Variants in CATSPERE observed in about 807,000 individuals in gnomAD.
The protein encoded by CATSPERE is catsper channel auxiliary subunit epsilon, also known as cation channel sperm-associated auxiliary subunit epsilon.
Under a neutral mutation model 114.1 loss-of-function variants are expected in CATSPERE, and 93 were observed. The observed-to-expected ratio is 0.81, with a 90% CI of 0.69 to 0.97. CATSPERE has a LOEUF of 0.97. CATSPERE is among the 50% of genes least tolerant of loss of function. CATSPERE has a pLI of 0.00. For synonymous variants in CATSPERE, 341 were observed against 384.1 expected, an observed-to-expected ratio of 0.89 and a Z score of 1.31; for missense variants, 1,058 against 1,131.6, an observed-to-expected ratio of 0.93 and a Z score of 0.93.
chr1:244,578,823 CAT>C (rs10695652), intron 11 of CATSPERE, among the ~76,000 whole-genome samples: 11,522 of 132,924 alleles, frequency 0.087, 1,647 homozygotes, highest in African/African-American at 0.3. Flanking sequence ...GGTGCATATA[CAT>C]ATATATATAT....
In CATSPERE at chr1:244,455,400, T is replaced by C. The variant is rs146017475; in HGVS notation, n.237+787T>C. On this transcript the variant is annotated intron_variant and non_coding_transcript_variant, in intron 1 of 15. Transcript: ENST00000473875. ...ACCTGTGTGTCCATGGTTATAAACTTAGTTAAAACTTAATTTCAGGTGGGA... is the reference window on the plus strand; with the variant it reads ...ACCTGTGTGTCCATGGTTATAAACTCAGTTAAAACTTAATTTCAGGTGGGA... 7.5e-3 allele frequency among the ~76,000 whole-genome samples: 1,143 copies of C among 152,294 alleles called. 21 individuals are homozygous for C. The highest frequency in any genetic ancestry group is 0.025 in the African/African-American group (1,048 of 41,562).
chr1:244,506,393 AC>A (rs1276684160), intron 7 of CATSPERE, among the ~76,000 whole-genome samples: 1 of 152,148 alleles, frequency 6.6e-6, no homozygotes, highest in African/African-American at 2.4e-5. Context: ...TGCTTTAAAA[AC>A]TTTTGGGTAT....
At chr1:244,612,215 CGTGA>C (rs1244272366) in intron 19 of CATSPERE, among the ~76,000 whole-genome samples, 1 of 152,130 alleles carries the variant, frequency 6.6e-6, no homozygotes, top group Non-Finnish European at 1.5e-5. Flanking sequence ...GTTATGTCCT[CGTGA>C]GTAAGTCTAC....
rs893239397 is a variant in CATSPERE at position 244,464,101 on chromosome 1, A to AGGT, written c.114+146_114+148dup. 3.4e-5 allele frequency: 22 copies of AGGT among 645,852 alleles called. No homozygotes were observed. The African/African-American group carries it at 3.7e-4, about 11-fold the overall frequency. The allele number at this position is 645,852 out of a possible 1,614,324, so 40.0% of individuals were successfully genotyped here. A position where few individuals can be genotyped will look rare whatever the true frequency, so the allele number is the denominator to read the frequency against. Reference sequence around the variant, plus strand: ...TTCATCCGGTGTATTACCCTAACATAGGTCCCCTCCTTAATCCATGTCCTT... The same window carrying AGGT: ...TTCATCCGGTGTATTACCCTAACATAGGTGGTCCCCTCCTTAATCCATGTCCTT... On this transcript the variant is annotated intron_variant, in intron 2 of 21. Transcript: ENST00000366534.
intron 5 of CATSPERE, 39 bp from the exon 6 acceptor site, chr1:244,490,408 G>C (rs777315552): frequency 1.2e-5 from 17 of 1,425,838 alleles, no homozygotes; most frequent in Middle Eastern, 1.8e-4. Flanking sequence ...ATGTTTAACA[G>C]GCTGTTTACT....
intron 15 of CATSPERE, among the ~76,000 whole-genome samples, chr1:244,592,640 G>C (rs1667877635): frequency 6.6e-6 from 1 of 152,224 alleles, no homozygotes; most frequent in South Asian, 2.1e-4. Context: ...AGGGTGGAGA[G>C]TGGCCCAGCC....
At chr1:244,621,137 A>ATGT (rs1197332750) in intron 20 of CATSPERE, among the ~76,000 whole-genome samples, 1 of 62,602 alleles carries the variant, frequency 1.6e-5, no homozygotes, top group East Asian at 3.8e-4. Context: ...AAATATATAT[A>ATGT]AAATATATAT....
At chr1:244,611,306 G>A (rs1465673368) in intron 19 of CATSPERE, among the ~76,000 whole-genome samples, 3 of 151,830 alleles carry the variant, frequency 2.0e-5, no homozygotes, top group Non-Finnish European at 4.4e-5. Context: ...AAATCATAAG[G>A]GGGCCAGGCA....
chr1:244,490,053 G>A (rs1307925137), intron 5 of CATSPERE, among the ~76,000 whole-genome samples: 1 of 152,074 alleles, frequency 6.6e-6, no homozygotes, highest in South Asian at 2.1e-4. Flanking sequence ...AACAGGAGAG[G>A]GTAAGGAGGG....
chr1:244,578,834 A>ATATATG (rs1180275274), intron 11 of CATSPERE, among the ~76,000 whole-genome samples: 3 of 146,550 alleles, frequency 2.0e-5, no homozygotes, highest in Non-Finnish European at 4.5e-5. Context: ...ATATATATAT[A>ATATATG]TATATATATA....
At chr1:244,466,308 A>G (rs1360529324) in intron 2 of CATSPERE, among the ~76,000 whole-genome samples, 2 of 152,186 alleles carry the variant, frequency 1.3e-5, no homozygotes, top group Admixed American at 1.3e-4. Flanking sequence ...TGCCACTGAA[A>G]TTTTGAGCAG....
chr1:244,536,277 G>A (rs1178946513), intron 8 of CATSPERE, among the ~76,000 whole-genome samples: 2 of 152,016 alleles, frequency 1.3e-5, no homozygotes, highest in Non-Finnish European at 2.9e-5. Flanking sequence ...TGTCTCACTA[G>A]GTTGAATGCC....
intron 6 of CATSPERE, among the ~76,000 whole-genome samples, chr1:244,493,023 A>C (rs1672486850): frequency 6.6e-6 from 1 of 150,948 alleles, no homozygotes; most frequent in Non-Finnish European, 1.5e-5. Flanking sequence ...ATACTGCCCA[A>C]GGTAATTTAC....
chr1:244,490,546 A>G (rs1253469455), intron 6 of CATSPERE, 75 bp downstream of exon 6: 4 of 919,564 alleles, frequency 4.3e-6, no homozygotes, highest in Non-Finnish European at 3.4e-6. Context: ...TTCCATATTT[A>G]CCAGATGAGG....
intron 18 of CATSPERE, among the ~76,000 whole-genome samples, chr1:244,609,181 G>A (rs529033107): frequency 3.1e-4 from 47 of 152,086 alleles, no homozygotes; most frequent in African/African-American, 9.4e-4. Context: ...GCAAGATTCC[G>A]TCTCTAAACA....
intron 8 of CATSPERE, among the ~76,000 whole-genome samples, chr1:244,520,502 A>T (rs537846023): frequency 6.6e-6 from 1 of 152,296 alleles, no homozygotes; most frequent in South Asian, 2.1e-4. Context: ...CTACATATTC[A>T]TCCTTATGCC....
chr1:244,602,860 A>T (rs768803837), intron 17 of CATSPERE, among the ~76,000 whole-genome samples: 2 of 152,126 alleles, frequency 1.3e-5, no homozygotes, highest in Non-Finnish European at 2.9e-5. Flanking sequence ...AAGGAAGTGC[A>T]TTATACATAC....
chr1:244,594,617 T>A (rs1354347452), intron 17 of CATSPERE, among the ~76,000 whole-genome samples: 1 of 152,228 alleles, frequency 6.6e-6, no homozygotes, highest in Non-Finnish European at 1.5e-5. Context: ...CTGCTGGAAG[T>A]AAAATTCCTA....
chr1:244,610,800 T>C (rs972188539), intron 19 of CATSPERE, among the ~76,000 whole-genome samples: 5 of 151,052 alleles, frequency 3.3e-5, no homozygotes, highest in Non-Finnish European at 7.4e-5. Flanking sequence ...TTGCCTAGGC[T>C]GCTAAGCTGG....
Sources: allele counts gnomAD v4.1 joint callset (sites outside exome capture counted in the v4.1 genomes callset), GRCh38; gene constraint gnomAD v4.1.1; transcripts MANE v1.5; gene names NCBI Gene and HGNC (gene_info 2026-07-23, HGNC 2026-07-21).